Variants in THADA observed in about 807,000 individuals in gnomAD.
THADA encodes the protein THADA armadillo repeat containing.
In THADA, 213 loss-of-function variants were observed where a neutral mutation model predicts 219.8. The ratio of observed to expected loss-of-function variants is 0.97; its 90% CI spans 0.87 to 1.09. THADA has a LOEUF of 1.09. Ranked by LOEUF, THADA falls within the 50% of genes least tolerant of loss-of-function variation. The pLI is 0.00. For synonymous variants in THADA, 1,018 were observed against 828.9 expected (o/e 1.23, Z -3.92); for missense variants, 2,956 against 2,311.3 (o/e 1.28, Z -5.72).
intron 30 of THADA, among the ~76,000 whole-genome samples, chr2:43,330,246 G>C (rs1160993677): frequency 1.3e-5 from 2 of 152,214 alleles, no homozygotes; most frequent in Non-Finnish European, 2.9e-5. Context: ...GACCCGTCTG[G>C]CTTGGGGAGT....
At chr2:43,231,432 G>A (rs1042771645) in intron 37 of THADA, 89 bp from the exon 38 acceptor site, 2 of 1,362,954 alleles carry the variant, frequency 1.5e-6, no homozygotes, top group Non-Finnish European at 1.9e-6. Flanking sequence ...CCAGATGCAA[G>A]AGGGGTTTCC....
intron 11 of THADA, among the ~76,000 whole-genome samples, chr2:43,573,801 T>C (rs1364066830): frequency 6.6e-6 from 1 of 152,214 alleles, no homozygotes; most frequent in Non-Finnish European, 1.5e-5. Context: ...TCCTGAATTA[T>C]GCTTGAATGC....
chr2:43,402,674 G>A (rs1466473145), intron 28 of THADA, among the ~76,000 whole-genome samples: 3 of 152,218 alleles, frequency 2.0e-5, no homozygotes, highest in African/African-American at 7.2e-5. Flanking sequence ...AGGTACCAGA[G>A]AACTGGAGAG....
chr2:43,305,496 C>T (rs192191891), intron 31 of THADA, among the ~76,000 whole-genome samples: 1 of 152,224 alleles, frequency 6.6e-6, no homozygotes, highest in African/African-American at 2.4e-5. Context: ...ATCACACACA[C>T]CCCTTGGAAA....
At chr2:43,279,537 G>C (rs1163388287) in intron 36 of THADA, among the ~76,000 whole-genome samples, 2 of 152,226 alleles carry the variant, frequency 1.3e-5, no homozygotes, top group Admixed American at 1.3e-4. Context: ...ACTACGGCTA[G>C]TAGATCAAAT....
intron 26 of THADA, among the ~76,000 whole-genome samples, chr2:43,456,445 A>G (rs1683007156): frequency 6.6e-6 from 1 of 152,234 alleles, no homozygotes; most frequent in Admixed American, 6.5e-5. Context: ...AATGCAAAGT[A>G]GAGAAAGAGC....
intron 12 of THADA, 98 bp downstream of exon 12, chr2:43,572,716 T>G (rs1266604680): frequency 1.7e-6 from 2 of 1,143,246 alleles, no homozygotes; most frequent in Admixed American, 2.9e-5. Flanking sequence ...ATGAACTCCC[T>G]AAAACAGTTC....
chr2:43,469,013 G>A (rs1038952106), intron 26 of THADA, among the ~76,000 whole-genome samples: 2 of 152,164 alleles, frequency 1.3e-5, no homozygotes, highest in Non-Finnish European at 2.9e-5. Context: ...ATATTAGGCA[G>A]ATCCTAAATA....
At chr2:43,233,846 G>T (rs1667725053) in intron 36 of THADA, among the ~76,000 whole-genome samples, 1 of 152,058 alleles carries the variant, frequency 6.6e-6, no homozygotes, top group Admixed American at 6.6e-5. Flanking sequence ...ACTGCACAAT[G>T]GACCTCTGTA....
intron 36 of THADA, among the ~76,000 whole-genome samples, chr2:43,262,899 G>C (rs776459436): frequency 6.6e-6 from 1 of 152,208 alleles, no homozygotes; most frequent in Admixed American, 6.5e-5. Flanking sequence ...ACATATTGCA[G>C]TGTGAAAACC....
At chr2:43,482,920 C>T (rs917885553) in intron 26 of THADA, among the ~76,000 whole-genome samples, 1 of 152,130 alleles carries the variant, frequency 6.6e-6, no homozygotes, top group Non-Finnish European at 1.5e-5. Flanking sequence ...TCTTATTATT[C>T]CTGGTATATA....
In THADA at chr2:43,554,461, A is replaced by G. The variant is rs112863953; in HGVS notation, c.2674+1884T>C. Among the ~76,000 whole-genome samples, 624 of 152,354 alleles carry G rather than the reference A, an allele frequency of 4.1e-3. 4 individuals carry two copies. Among genetic ancestry groups the G allele is most frequent in the Admixed American group, 5.0e-3 (77 of 15,302 alleles). On this transcript the variant is annotated intron_variant, in intron 17 of 37. Transcript: ENST00000405975. ...CATATAAAAGAACTCCTAAAAATCAATAAGAAAAAGACAAACAACCCTACA... is the reference window on the plus strand; with the variant it reads ...CATATAAAAGAACTCCTAAAAATCAGTAAGAAAAAGACAAACAACCCTACA...
intron 26 of THADA, among the ~76,000 whole-genome samples, chr2:43,442,009 C>G (rs1680898987): frequency 6.6e-6 from 1 of 152,174 alleles, no homozygotes; most frequent in Non-Finnish European, 1.5e-5. Flanking sequence ...GACAGGTATT[C>G]ACATACAATA....
rs759347057 is a variant in THADA at position 43,581,765 on chromosome 2, T to C, written c.697A>G (p.Ile233Val). The change falls in exon 8 of 38, where the codon ATT (isoleucine) becomes GTT (valine). Residue 233 changes from isoleucine to valine, a missense_variant. Ile to Val is a conservative substitution (Grantham distance 29, BLOSUM62 3). Coordinates refer to ENST00000405975, the MANE Select transcript of THADA (RefSeq NM_022065.5). The part of the protein sequence containing the change: ...IWQNMCGLLS[I>V]FTKVLSDDDL... Reference sequence around the variant, plus strand: ...CCATCGCTTAAAACCTTGGTAAAAATACTCAGCAATCCACACATATTTTGC... The same window carrying C: ...CCATCGCTTAAAACCTTGGTAAAAACACTCAGCAATCCACACATATTTTGC... 2.5e-6 allele frequency: 4 copies of C among 1,611,274 alleles called. No homozygotes were observed. The South Asian group carries it at 3.3e-5, about 13-fold the overall frequency.
chr2:43,299,371 A>G (rs1260432752), intron 31 of THADA, among the ~76,000 whole-genome samples: 1 of 152,168 alleles, frequency 6.6e-6, no homozygotes, highest in Non-Finnish European at 1.5e-5. Context: ...ATAACTATAA[A>G]AATCTAGCCG....
intron 34 of THADA, among the ~76,000 whole-genome samples, chr2:43,288,832 G>A (rs1408542361): frequency 6.6e-6 from 1 of 152,198 alleles, no homozygotes; most frequent in Non-Finnish European, 1.5e-5. Context: ...CTCATTTAAA[G>A]TGGCCAATGC....
chr2:43,593,826 G>A (rs568154145), intron 1 of THADA, among the ~76,000 whole-genome samples: 3 of 152,006 alleles, frequency 2.0e-5, no homozygotes, highest in African/African-American at 7.2e-5. Flanking sequence ...GTAGAGACGG[G>A]GTTTCATCAT....
chr2:43,501,142 C>A (rs1688899363), intron 24 of THADA, among the ~76,000 whole-genome samples: 2 of 151,346 alleles, frequency 1.3e-5, no homozygotes, highest in Non-Finnish European at 2.9e-5. Flanking sequence ...CCTGTCTCTA[C>A]TAAAAATAAA....
chr2:43,401,750 TTCAG>T (rs1674870796), intron 28 of THADA, among the ~76,000 whole-genome samples: 1 of 152,158 alleles, frequency 6.6e-6, no homozygotes, highest in African/African-American at 2.4e-5. Context: ...CTCAGAAGGA[TTCAG>T]TGAAAACTCT....
Sources: allele counts gnomAD v4.1 joint callset (sites outside exome capture counted in the v4.1 genomes callset), GRCh38; gene constraint gnomAD v4.1.1; transcripts MANE v1.5; gene names NCBI Gene and HGNC (gene_info 2026-07-23, HGNC 2026-07-21).